Variants in TMEM132B observed in about 807,000 individuals in gnomAD.
TMEM132B encodes the protein transmembrane protein 132B.
In TMEM132B, 18 loss-of-function variants were observed where a neutral mutation model predicts 90.8. That is an observed-to-expected ratio of 0.20 (90% CI 0.14 to 0.29). TMEM132B has a LOEUF of 0.29. Among genes scored for constraint, TMEM132B ranks in the 10% least tolerant of loss-of-function variants. TMEM132B has a pLI of 1.00. For missense variants in TMEM132B, 1,096 were observed against 1,326.8 expected (o/e 0.83, Z 2.70); for synonymous variants, 504 against 523.3 (o/e 0.96, Z 0.50).
intron 1 of TMEM132B, among the ~76,000 whole-genome samples, chr12:125,210,762 G>T (rs1873301389): frequency 6.6e-6 from 1 of 152,186 alleles, no homozygotes; most frequent in Non-Finnish European, 1.5e-5. Flanking sequence ...CCAGGAGTTT[G>T]AGGCCAGCCT....
chr12:125,632,379 T>A (rs957306402), intron 5 of TMEM132B, among the ~76,000 whole-genome samples: 2 of 152,152 alleles, frequency 1.3e-5, no homozygotes, highest in Admixed American at 1.3e-4. Context: ...TTATTTTTGA[T>A]TGGTTCATCA....
At chr12:125,223,138 G>T (rs937517220) in intron 1 of TMEM132B, among the ~76,000 whole-genome samples, 8 of 152,232 alleles carry the variant, frequency 5.3e-5, no homozygotes, top group Non-Finnish European at 1.0e-4. Flanking sequence ...CTTAGTGCTG[G>T]AAGAAAAGGA....
At chr12:125,516,075 T>A (rs1456036694) in intron 3 of TMEM132B, among the ~76,000 whole-genome samples, 2 of 151,112 alleles carry the variant, frequency 1.3e-5, no homozygotes, top group African/African-American at 4.9e-5. Flanking sequence ...TCACACACAC[T>A]CTCACGCTAT....
chr12:125,470,111 T>A (rs1881670500), intron 3 of TMEM132B, among the ~76,000 whole-genome samples: 1 of 152,228 alleles, frequency 6.6e-6, no homozygotes, highest in Non-Finnish European at 1.5e-5. Flanking sequence ...CTGAGGATTG[T>A]ACAGATAATT....
At chr12:125,351,871 T>C (rs886994772) in intron 2 of TMEM132B, among the ~76,000 whole-genome samples, 5 of 152,202 alleles carry the variant, frequency 3.3e-5, no homozygotes, top group African/African-American at 9.7e-5. Flanking sequence ...TTGCAGCTGC[T>C]GTCATGAAGC....
chr12:125,270,785 T>A (rs1213439246), intron 1 of TMEM132B, among the ~76,000 whole-genome samples: 1 of 60,266 alleles, frequency 1.7e-5, no homozygotes, highest in Non-Finnish European at 3.1e-5. Context: ...TCTGTGGGGG[T>A]TGGGGGGGCG....
chr12:125,339,069 T>C (rs757251047), intron 1 of TMEM132B, among the ~76,000 whole-genome samples: 2 of 95,652 alleles, frequency 2.1e-5, no homozygotes, highest in Non-Finnish European at 4.8e-5. Context: ...TAACAGTCCA[T>C]TTGAGTTTTG....
chr12:125,326,668 C>G (rs757107845), intron 1 of TMEM132B: 1 of 1,606,324 alleles, frequency 6.2e-7, no homozygotes, highest in Admixed American at 1.7e-5. Context: ...CTGTCTGCAC[C>G]GGGGGAGGTC....
At chr12:125,357,743 C>A (rs556921065) in intron 2 of TMEM132B, among the ~76,000 whole-genome samples, 164 of 152,280 alleles carry the variant, frequency 1.1e-3, no homozygotes, top group African/African-American at 3.7e-3. Flanking sequence ...TTAAAGGAGA[C>A]CTTGATGGGG....
intron 3 of TMEM132B, among the ~76,000 whole-genome samples, chr12:125,451,589 C>T (rs181216845): frequency 1.6e-3 from 247 of 150,120 alleles, no homozygotes; most frequent in African/African-American, 5.8e-3. Context: ...CTGAGAGCTC[C>T]AGTATTACAT....
chr12:125,589,414 G>A (rs924244503), intron 5 of TMEM132B, among the ~76,000 whole-genome samples: 17 of 150,166 alleles, frequency 1.1e-4, no homozygotes, highest in Middle Eastern at 3.4e-3. Flanking sequence ...CCCGGGACGC[G>A]GAGCTTGCAG....
intron 4 of TMEM132B, among the ~76,000 whole-genome samples, chr12:125,578,688 T>C (rs540767177): frequency 6.6e-6 from 1 of 152,334 alleles, no homozygotes; most frequent in South Asian, 2.1e-4. Flanking sequence ...TTCTTCATTT[T>C]ATTTTGAAAG....
chr12:125,342,157 G>T (rs1031479793), intron 1 of TMEM132B, among the ~76,000 whole-genome samples: 3 of 152,084 alleles, frequency 2.0e-5, no homozygotes, highest in Non-Finnish European at 4.4e-5. Context: ...CCACCTTTTA[G>T]GTTTTTACCT....
At chr12:125,301,327 G>A (rs928197466) in intron 1 of TMEM132B, 1 of 152,186 alleles carries the variant, frequency 6.6e-6, no homozygotes, top group African/African-American at 2.4e-5. Context: ...CTAAAGTGGC[G>A]GGGTCTATTT....
chr12:125,318,164 GGCAC>G (rs1320904316), intron 1 of TMEM132B, among the ~76,000 whole-genome samples: 1 of 145,660 alleles, frequency 6.9e-6, no homozygotes, highest in East Asian at 2.0e-4. Flanking sequence ...ACCATATGTA[GGCAC>G]TATATACTAC....
intron 5 of TMEM132B, among the ~76,000 whole-genome samples, chr12:125,597,768 T>C (rs1361681071): frequency 6.6e-6 from 1 of 152,172 alleles, no homozygotes; most frequent in Non-Finnish European, 1.5e-5. Flanking sequence ...GCACTGGCCA[T>C]TTCAAGTAGA....
At chr12:125,551,232 A>G (rs1379132247) in intron 4 of TMEM132B, among the ~76,000 whole-genome samples, 4 of 152,196 alleles carry the variant, frequency 2.6e-5, no homozygotes, top group Admixed American at 2.6e-4. Context: ...TCTTACAACA[A>G]TCCTGTTAGG....
In TMEM132B at chr12:125,332,387, G is replaced by GAGT. The variant is rs1876802851; in HGVS notation, c.68-17065_68-17064insAGT. ...ATCTGGCAACTCTTGTAGCAGGCAA[G>GAGT]TGAACAATACATATTTTACTTTCTT... On this transcript the variant is annotated intron_variant, in intron 1 of 8. Coordinates refer to ENST00000682704, the MANE Select transcript of TMEM132B (RefSeq NM_001366854.1). Among the ~76,000 whole-genome samples the GAGT allele has an allele frequency of 2.0e-5, 3 of 152,052 alleles. No individual in the cohort carries two copies. The South Asian group carries it at 6.2e-4, about 31-fold the overall frequency.
intron 1 of TMEM132B, among the ~76,000 whole-genome samples, chr12:125,275,241 C>CT (rs935144329): frequency 2.0e-5 from 3 of 152,130 alleles, no homozygotes; most frequent in African/African-American, 4.8e-5. Flanking sequence ...GTAGATTCAG[C>CT]TTTTTTTGTT....
Sources: allele counts gnomAD v4.1 joint callset (sites outside exome capture counted in the v4.1 genomes callset), GRCh38; gene constraint gnomAD v4.1.1; transcripts MANE v1.5; gene names NCBI Gene and HGNC (gene_info 2026-07-23, HGNC 2026-07-21).